PLA2G4C: variants seen among roughly 807,000 people sequenced by gnomAD.
PLA2G4C encodes the protein phospholipase A2 group IVC, also known as cytosolic phospholipase A2 gamma.
PLA2G4C carries 64 observed loss-of-function variants against 73.8 expected under a neutral mutation model. The ratio of observed to expected loss-of-function variants is 0.87; its 90% CI spans 0.71 to 1.07. The LOEUF is 1.07. Ranked by LOEUF, PLA2G4C falls within the 50% of genes least tolerant of loss-of-function variation. The pLI is 0.00. For synonymous variants in PLA2G4C, 254 were observed against 252.1 expected (o/e 1.01, Z -0.07); for missense variants, 622 against 665.4 (o/e 0.93, Z 0.72).
Position 48,110,638 on chromosome 19 carries a change from G to A in PLA2G4C, c.-184C>T. On this transcript the variant is annotated 5_prime_UTR_variant, in exon 1 of 17. Transcript: ENST00000599921. ...GCGGGTGAAGACTGCGGGGATCCTC[G>A]GTGCCAAAGCTTCTGTGGTCCTCCT... The A allele has an allele frequency of 1.6e-6, 1 of 629,044 alleles. No individual in the cohort carries two copies. Among genetic ancestry groups the A allele is most frequent in the Non-Finnish European group, 2.3e-6 (1 of 441,802 alleles). 39.0% of individuals were successfully genotyped at this position (629,044 alleles called of 1,614,324 possible).
chr19:48,110,247 G>A (rs185659750), intron 1 of PLA2G4C, among the ~76,000 whole-genome samples: 59 of 151,908 alleles, frequency 3.9e-4, no homozygotes, highest in Non-Finnish European at 6.8e-4. Context: ...TCGGGAGGTT[G>A]AGGCAGGAGA....
chr19:48,098,007 CCT>C (rs2031688549), intron 6 of PLA2G4C, 130 bp downstream of exon 6: 13 of 959,310 alleles, frequency 1.4e-5, no homozygotes, highest in Non-Finnish European at 2.0e-5. Context: ...AGCTGAGCAC[CCT>C]GTTTTCTGCA....
At chr19:48,060,927 A>T (rs1968144132) in intron 14 of PLA2G4C, among the ~76,000 whole-genome samples, 1 of 152,158 alleles carries the variant, frequency 6.6e-6, no homozygotes, top group Admixed American at 6.5e-5. Flanking sequence ...TACCATGATT[A>T]TTTTATATAT....
At chr19:48,076,444 C>T (rs529941406) in intron 11 of PLA2G4C, among the ~76,000 whole-genome samples, 14 of 152,188 alleles carry the variant, frequency 9.2e-5, no homozygotes, top group South Asian at 2.1e-4. Context: ...GGAGAAGCAA[C>T]GAGATGCAAG....
At chr19:48,066,776 G>A (rs1218552939) in intron 13 of PLA2G4C, among the ~76,000 whole-genome samples, 5 of 151,910 alleles carry the variant, frequency 3.3e-5, no homozygotes, top group African/African-American at 4.8e-5. Flanking sequence ...ATCAGTCTGG[G>A]CAACATAGTG....
chr19:48,108,143 C>T (rs147877026), intron 1 of PLA2G4C, among the ~76,000 whole-genome samples: 34 of 152,222 alleles, frequency 2.2e-4, no homozygotes, highest in Non-Finnish European at 3.8e-4. Flanking sequence ...CTCTCGTCTC[C>T]GCACATGGGG....
chr19:48,098,070 CATTCT>C lies in PLA2G4C; in HGVS notation c.568+64_568+68del, dbSNP rs749288877. The C allele has an allele frequency of 3.2e-6, 5 of 1,538,546 alleles. No homozygotes were observed. In the African/African-American group the frequency reaches 6.9e-5, roughly 21 times the overall value. The stretch of plus-strand genomic sequence containing the variant: ...GCTCCCCAAGGGGAGGGCAGGGAAA[CATTCT>C]TCCATTCCACTCCGTGCTGTTCCAT... On this transcript the variant is annotated intron_variant, in intron 6 of 16. Coordinates refer to ENST00000599921, the MANE Select transcript of PLA2G4C (RefSeq NM_003706.3).
intron 13 of PLA2G4C, among the ~76,000 whole-genome samples, chr19:48,064,211 C>T (rs1968318410): frequency 6.6e-6 from 1 of 152,032 alleles, no homozygotes; most frequent in African/African-American, 2.4e-5. Flanking sequence ...GGTGGATCAC[C>T]TGAGGTCAGG....
chr19:48,055,111 C>T, intron 14 of PLA2G4C, 62 bp from the exon 15 acceptor site: 1 of 1,432,058 alleles, frequency 7.0e-7, no homozygotes, highest in Non-Finnish European at 9.4e-7. Context: ...CCAGAAGACC[C>T]CTGGGGCCTG....
At chr19:48,061,740 C>A (rs746714489) in intron 14 of PLA2G4C, 11 of 455,036 alleles carry the variant, frequency 2.4e-5, no homozygotes, top group Non-Finnish European at 4.4e-5. Context: ...GCAGGCAGGA[C>A]GCAGAAGCGG....
At chr19:48,048,751 C>A (rs940932651) in intron 16 of PLA2G4C, among the ~76,000 whole-genome samples, 4 of 152,188 alleles carry the variant, frequency 2.6e-5, no homozygotes, top group Admixed American at 6.6e-5. Flanking sequence ...GCTTCCCCTA[C>A]CCTGATCCAG....
chr19:48,095,143 C>T (rs2031501413), intron 7 of PLA2G4C, among the ~76,000 whole-genome samples: 1 of 152,162 alleles, frequency 6.6e-6, no homozygotes, highest in African/African-American at 2.4e-5. Flanking sequence ...CCAGGTCAGC[C>T]TCCCAAAGCA....
chr19:48,084,277 C>T (rs1310010125), intron 10 of PLA2G4C, among the ~76,000 whole-genome samples: 1 of 152,158 alleles, frequency 6.6e-6, no homozygotes, highest in Non-Finnish European at 1.5e-5. Context: ...CCAGCTTGCA[C>T]TCGAACCCCT....
chr19:48,054,910 T>C lies in PLA2G4C; in HGVS notation c.1397A>G (p.His466Arg). The part of the protein sequence containing the change: ...LKGETGPVVM[H>R]FPLFNIDACG... ...GGCATCTATGTTGAACAGGGGAAAA[T>C]GCATCACCACTGGTCCAGTTTCTCC... Residue 466 changes from histidine (H) to arginine (R), a missense_variant, in exon 15 of 17, where the codon CAT becomes CGT. Transcript: ENST00000599921. 2 of 1,614,010 alleles carry C rather than the reference T, an allele frequency of 1.2e-6. No individual in the cohort carries two copies. Among genetic ancestry groups the C allele is most frequent in the South Asian group, 1.1e-5 (1 of 91,076 alleles).
chr19:48,055,727 G>A (rs947554192), intron 14 of PLA2G4C, among the ~76,000 whole-genome samples: 16 of 151,912 alleles, frequency 1.1e-4, no homozygotes, highest in Admixed American at 3.3e-4. Flanking sequence ...TGCAACCTCC[G>A]CCTCCCTGGT....
chr19:48,090,399 A>G lies in PLA2G4C; in HGVS notation c.728T>C (p.Leu243Pro). Residue 243 changes from leucine (L) to proline (P), a missense_variant, in exon 8 of 17, where the codon CTT (leucine) becomes CCT (proline). Leu to Pro is a moderately conservative substitution (Grantham distance 98). Transcript: ENST00000599921. ...TFLRGLWGSA[L>P]GNTEVIREYI... is the part of the protein sequence containing the mutation. ...TTCCCTAATGACTTCAGTGTTACCA[A>G]GAGCACTTCCCCATAAACCTGCCAA... 6.8e-6 allele frequency: 11 copies of G among 1,612,698 alleles called. No homozygotes were observed. The highest frequency in any genetic ancestry group is 9.3e-6 in the Non-Finnish European group (11 of 1,178,660).
At chr19:48,061,827 G>T (rs185371043) in intron 14 of PLA2G4C, 171 bp downstream of exon 14, 1 of 676,632 alleles carries the variant, frequency 1.5e-6, no homozygotes, top group Non-Finnish European at 2.6e-6. Flanking sequence ...GGATGTGGCC[G>T]ACCGCGGGTG....
In PLA2G4C at chr19:48,105,986, C is replaced by CT. The variant is rs1568457863; in HGVS notation, c.8+535dup. On this transcript the variant is annotated intron_variant, in intron 2 of 16. Coordinates refer to ENST00000599921, the MANE Select transcript of PLA2G4C (RefSeq NM_003706.3). ...TCTTTCTTTCTTTCTTTCTTTCTTT[C>CT]TTTCTTTCTCTTTCTCTCTCTCTTT... 4.5e-4 allele frequency among the ~76,000 whole-genome samples: 47 copies of CT among 104,678 alleles called. 1 individual carries two copies. Among genetic ancestry groups the CT allele is most frequent in the African/African-American group, 1.9e-3 (46 of 24,156 alleles). 68.7% of individuals were successfully genotyped at this position (104,678 alleles called of 152,430 possible). A position where few individuals can be genotyped will look rare whatever the true frequency, so the allele number is the denominator to read the frequency against.
intron 4 of PLA2G4C, among the ~76,000 whole-genome samples, chr19:48,101,384 C>A (rs2386968): frequency 0.13 from 20,291 of 151,820 alleles, 1,424 homozygotes; most frequent in African/African-American, 0.17. Flanking sequence ...ATCCTCCCAC[C>A]TCAGCTTCCC....
Sources: allele counts gnomAD v4.1 joint callset (sites outside exome capture counted in the v4.1 genomes callset), GRCh38; gene constraint gnomAD v4.1.1; transcripts MANE v1.5; gene names NCBI Gene and HGNC (gene_info 2026-07-23, HGNC 2026-07-21).